Variants in CASD1 observed in about 807,000 individuals in gnomAD.
CASD1 encodes the protein CAS1 domain sialic acid O acetyltransferase 1.
CASD1 carries 41 observed loss-of-function variants against 100.0 expected under a neutral mutation model. The ratio of observed to expected loss-of-function variants is 0.41; its 90% CI spans 0.32 to 0.53. The LOEUF is 0.53. CASD1 is among the 20% of genes least tolerant of loss of function. CASD1 has a pLI of 0.25. For missense variants in CASD1, 774 were observed against 948.7 expected (o/e 0.82, Z 2.42); for synonymous variants, 321 against 315.6 (o/e 1.02, Z -0.18).
At chr7:94,611,776 T>C in the CASD1 span, among the ~76,000 whole-genome samples, 41 of 152,306 alleles carry the variant, frequency 2.7e-4, no homozygotes, top group Middle Eastern at 3.4e-3. Flanking sequence ...ACAACTGTGT[T>C]CGAGAATATG....
the CASD1 span, among the ~76,000 whole-genome samples, chr7:94,582,644 A>G: frequency 6.6e-6 from 1 of 152,126 alleles, no homozygotes; most frequent in Non-Finnish European, 1.5e-5. Context: ...CTTAGCATTT[A>G]CTACTCATTC....
chr7:94,514,069 A>C, intron 1 of CASD1, among the ~76,000 whole-genome samples: 1 of 152,162 alleles, frequency 6.6e-6, no homozygotes, highest in East Asian at 1.9e-4. Flanking sequence ...ATAAATTTTA[A>C]TTTTTTAAAT....
chr7:94,531,720 G>A (rs1794862081), intron 5 of CASD1, among the ~76,000 whole-genome samples: 1 of 152,000 alleles, frequency 6.6e-6, no homozygotes, highest in South Asian at 2.1e-4. Flanking sequence ...CCTTTATAGT[G>A]AAAAAGTGTC....
At chr7:94,576,719 G>A in the CASD1 span, among the ~76,000 whole-genome samples, 2 of 152,158 alleles carry the variant, frequency 1.3e-5, no homozygotes, top group African/African-American at 2.4e-5. Flanking sequence ...GAACAATTAA[G>A]GACATCCCTA....
the CASD1 span, chr7:94,587,562 T>C: frequency 1.4e-5 from 18 of 1,328,508 alleles, no homozygotes; most frequent in Non-Finnish European, 1.5e-5. Context: ...GATTCATTTA[T>C]CTTTTTTCTC....
chr7:94,535,254 T>C, intron 7 of CASD1, 55 bp from the exon 8 acceptor site: 1 of 1,360,820 alleles, frequency 7.3e-7, no homozygotes, highest in Non-Finnish European at 1.0e-6. Flanking sequence ...ATGATCACAA[T>C]TTTTACCAAT....
the CASD1 span, among the ~76,000 whole-genome samples, chr7:94,574,571 A>C: frequency 6.6e-6 from 1 of 152,066 alleles, no homozygotes; most frequent in Non-Finnish European, 1.5e-5. Context: ...GGTCAGTGGT[A>C]ACATTCCCAT....
At chr7:94,538,944 C>G in intron 9 of CASD1, 23 bp from the exon 10 acceptor site, 1 of 1,280,836 alleles carries the variant, frequency 7.8e-7, no homozygotes, top group Non-Finnish European at 1.1e-6. Context: ...AATTTTAAAA[C>G]AGATTTTGGT....
intron 15 of CASD1, chr7:94,552,120 C>T (rs1012550275): frequency 2.2e-5 from 10 of 450,172 alleles, no homozygotes; most frequent in Admixed American, 8.8e-5. Context: ...ATCACTGTTT[C>T]CAGAAAAGCA....
chr7:94,511,841 G>A (rs771559305), intron 1 of CASD1, among the ~76,000 whole-genome samples: 1 of 152,068 alleles, frequency 6.6e-6, no homozygotes, highest in Non-Finnish European at 1.5e-5. Context: ...ATCTTATCAA[G>A]ATCTGTCATC....
chr7:94,541,594 C>T (rs1584418164), intron 10 of CASD1, among the ~76,000 whole-genome samples: 1 of 106,514 alleles, frequency 9.4e-6, no homozygotes, highest in Non-Finnish European at 1.7e-5. Context: ...TAAGTAACTT[C>T]CATGGAAAGA....
chr7:94,611,255 A>G, the CASD1 span, among the ~76,000 whole-genome samples: 3 of 152,210 alleles, frequency 2.0e-5, no homozygotes, highest in Admixed American at 6.5e-5. Context: ...ATGCTCATCA[A>G]CTTATAAATG....
At chr7:94,618,729 T>G in the CASD1 span, 1 of 1,570,312 alleles carries the variant, frequency 6.4e-7, no homozygotes, top group Non-Finnish European at 8.8e-7. Flanking sequence ...AAATCTATAT[T>G]TAAGGCAATG....
chr7:94,522,000 C>T (rs780610860), intron 3 of CASD1, among the ~76,000 whole-genome samples: 1 of 152,112 alleles, frequency 6.6e-6, no homozygotes, highest in South Asian at 2.1e-4. Flanking sequence ...AGGAGAATGG[C>T]GTGAACACGG....
At chr7:94,576,357 G>A in the CASD1 span, among the ~76,000 whole-genome samples, 9 of 152,292 alleles carry the variant, frequency 5.9e-5, no homozygotes, top group Non-Finnish European at 8.8e-5. Context: ...CTGGCCCCTG[G>A]AAGGTAGCCT....
chr7:94,615,692 T>C, the CASD1 span, among the ~76,000 whole-genome samples: 1 of 152,150 alleles, frequency 6.6e-6, no homozygotes, highest in African/African-American at 2.4e-5. Flanking sequence ...CCAGAGGAAA[T>C]AGTGGTAAGT....
chr7:94,600,916 T>G, the CASD1 span: 5 of 1,375,360 alleles, frequency 3.6e-6, no homozygotes, highest in African/African-American at 1.4e-5. Flanking sequence ...TATGAGATTT[T>G]AAGATCTGGA....
rs768325942 is a variant in CASD1, at chr7:94,528,204, C to A, written c.413C>A (p.Pro138His). 1 of 1,608,584 alleles carries A rather than the reference C, an allele frequency of 6.2e-7. No homozygotes were observed. The highest frequency in any genetic ancestry group is 8.5e-7 in the Non-Finnish European group (1 of 1,177,274). The change falls in exon 5 of 18, where the codon CCT becomes CAT. Residue 138 changes from proline to histidine, a missense_variant. Transcript: ENST00000297273. ...ASVKVDFLWH[P>H]EVNGSMKQCI... Reference sequence around the variant, plus strand: ...CTCTTTTAGGATTTTCTGTGGCATCCTGAAGTTAATGGTTCTATGAAACAG... The same window carrying A: ...CTCTTTTAGGATTTTCTGTGGCATCATGAAGTTAATGGTTCTATGAAACAG...
the CASD1 span, chr7:94,585,414 A>G: frequency 8.9e-5 from 106 of 1,188,214 alleles, 1 homozygote; most frequent in Non-Finnish European, 1.3e-4. Context: ...AGAAAAGCTC[A>G]TGCATTATTG....
Sources: gnomAD v4.1 joint callset for allele counts (sites outside exome capture counted in the v4.1 genomes callset) on GRCh38, gnomAD v4.1.1 for gene constraint, MANE v1.5 for transcripts, NCBI Gene and HGNC (gene_info 2026-07-23, HGNC 2026-07-21) for gene names.